SPOCK3: variants seen among roughly 807,000 people sequenced by gnomAD.
The protein encoded by SPOCK3 is testican-3.
A neutral mutation model predicts 56.6 loss-of-function variants in SPOCK3; 30 were observed. That is an observed-to-expected ratio of 0.53 (90% confidence interval 0.40 to 0.72). The LOEUF (loss-of-function observed/expected upper bound fraction) is 0.72. SPOCK3 is among the 30% of genes least tolerant of loss of function. SPOCK3 has a pLI of 0.00. For missense variants in SPOCK3, 527 were observed against 530.0 expected (o/e 0.99, Z 0.06); for synonymous variants, 196 against 183.3 (o/e 1.07, Z -0.56).
rs1439696016 is a variant in SPOCK3, at chr4:167,116,907, G to GTATATATATATATA, written c.190-54371_190-54370insTATATATATATATA. 2.8e-5 allele frequency among the ~76,000 whole-genome samples: 3 copies of GTATATATATATATA among 108,572 alleles called. No homozygotes were observed. In the South Asian group the frequency reaches 8.9e-4, roughly 32 times the overall value. The allele number at this position is 108,572 out of a possible 152,430, so 71.2% of individuals were successfully genotyped here. ...TATATACATATATACTTTTGTGTGT[G>GTATATATATATATA]TGTGTGTATATATATATATATATAT... On this transcript the variant is annotated intron_variant, in intron 2 of 10. Coordinates refer to ENST00000357545, the MANE Select transcript of SPOCK3 (RefSeq NM_001040159.2).
chr4:166,980,306 G>C (rs990907099), intron 4 of SPOCK3, among the ~76,000 whole-genome samples: 30 of 152,180 alleles, frequency 2.0e-4, no homozygotes, highest in African/African-American at 7.2e-4. Flanking sequence ...AATCATTGTT[G>C]AATAAATGAA....
chr4:167,009,084 A>T (rs562357324), intron 3 of SPOCK3, among the ~76,000 whole-genome samples: 39 of 152,308 alleles, frequency 2.6e-4, no homozygotes, highest in Non-Finnish European at 4.7e-4. Flanking sequence ...GCTTCATATC[A>T]TATTTACATG....
At chr4:166,998,693 CA>C (rs1232150297) in intron 4 of SPOCK3, among the ~76,000 whole-genome samples, 2 of 152,042 alleles carry the variant, frequency 1.3e-5, no homozygotes, top group Non-Finnish European at 2.9e-5. Flanking sequence ...GGTGAAGTGG[CA>C]GGTGAATCTT....
intron 2 of SPOCK3, among the ~76,000 whole-genome samples, chr4:167,086,118 AT>A (rs1758173620): frequency 6.6e-6 from 1 of 152,096 alleles, no homozygotes; most frequent in Admixed American, 6.6e-5. Context: ...AGCTTTTTAA[AT>A]GTCATAAAAA....
chr4:166,802,976 C>T (rs1183094226), intron 6 of SPOCK3, among the ~76,000 whole-genome samples: 5 of 152,072 alleles, frequency 3.3e-5, no homozygotes, highest in South Asian at 2.1e-4. Flanking sequence ...GTAGAGTCTG[C>T]GGTAGTGGTG....
At chr4:166,971,165 G>C (rs963020000) in intron 4 of SPOCK3, among the ~76,000 whole-genome samples, 2 of 152,188 alleles carry the variant, frequency 1.3e-5, no homozygotes, top group Non-Finnish European at 2.9e-5. Context: ...GTGACACAGA[G>C]AAAGGTAAAA....
At chr4:166,996,594 C>T (rs1748408173) in intron 4 of SPOCK3, among the ~76,000 whole-genome samples, 3 of 152,110 alleles carry the variant, frequency 2.0e-5, no homozygotes, top group Admixed American at 1.3e-4. Context: ...GCTAAAGTTC[C>T]TTCTCATTAT....
intron 4 of SPOCK3, among the ~76,000 whole-genome samples, chr4:166,992,099 T>G (rs370358135): frequency 6.6e-6 from 1 of 152,148 alleles, no homozygotes; most frequent in South Asian, 2.1e-4. Flanking sequence ...GTTCAAAACA[T>G]GTTATGTTAA....
chr4:167,050,905 GGA>G (rs775985938), intron 3 of SPOCK3, among the ~76,000 whole-genome samples: 8 of 152,060 alleles, frequency 5.3e-5, no homozygotes, highest in Non-Finnish European at 1.2e-4. Flanking sequence ...AAGAGAGAAA[GGA>G]GAGTTATTGT....
chr4:167,083,345 TTC>T, intron 2 of SPOCK3: 1 of 763,006 alleles, frequency 1.3e-6, no homozygotes, highest in Non-Finnish European at 2.4e-6. Flanking sequence ...ACCATGTGCA[TTC>T]TCTCTTGCTG....
At chr4:166,744,832 T>A (rs1214845249) in intron 8 of SPOCK3, among the ~76,000 whole-genome samples, 1 of 152,110 alleles carries the variant, frequency 6.6e-6, no homozygotes, top group Non-Finnish European at 1.5e-5. Context: ...GAGAACTACG[T>A]GATGCGTGCA....
intron 6 of SPOCK3, among the ~76,000 whole-genome samples, chr4:166,810,812 G>C (rs996916925): frequency 1.3e-5 from 2 of 151,598 alleles, no homozygotes; most frequent in African/African-American, 2.4e-5. Context: ...AAATAAACTG[G>C]AGTGTGCCAC....
chr4:166,820,541 C>T lies in SPOCK3; in HGVS notation c.590-28252G>A, dbSNP rs140950289. On this transcript the variant is annotated intron_variant, in intron 6 of 10. Transcript: ENST00000357545. ...TCTCATACCAAACATTAACTTAAAG[C>T]GAGTGTATCCCCAACTTTAAGAGTT... 2.5e-3 allele frequency among the ~76,000 whole-genome samples: 374 copies of T among 151,754 alleles called. 3 individuals carry two copies. The highest frequency in any genetic ancestry group is 4.1e-3 in the Non-Finnish European group (277 of 67,890).
At chr4:166,895,745 T>C (rs1735309013) in intron 5 of SPOCK3, among the ~76,000 whole-genome samples, 1 of 152,206 alleles carries the variant, frequency 6.6e-6, no homozygotes, top group East Asian at 1.9e-4. Context: ...ACATGTGAAA[T>C]GATCAATGGT....
chr4:166,848,773 A>G (rs534618539), intron 6 of SPOCK3, among the ~76,000 whole-genome samples: 1 of 152,320 alleles, frequency 6.6e-6, no homozygotes, highest in African/African-American at 2.4e-5. Flanking sequence ...GGGCATGTGC[A>G]TAGTTCCTGG....
At chr4:166,956,738 ACCCAACG>A (rs1394081636) in intron 4 of SPOCK3, among the ~76,000 whole-genome samples, 1 of 151,954 alleles carries the variant, frequency 6.6e-6, no homozygotes, top group East Asian at 1.9e-4. Context: ...TCCCTCTCAT[ACCCAACG>A]CCCTCAATTC....
intron 3 of SPOCK3, among the ~76,000 whole-genome samples, chr4:167,058,614 T>G (rs529356446): frequency 9.3e-4 from 141 of 152,284 alleles, no homozygotes; most frequent in African/African-American, 3.2e-3. Flanking sequence ...CCCATCAAGC[T>G]ACCAATGACT....
intron 2 of SPOCK3, among the ~76,000 whole-genome samples, chr4:167,138,421 A>T (rs1763284220): frequency 6.6e-6 from 1 of 151,804 alleles, no homozygotes; most frequent in Admixed American, 6.6e-5. Context: ...ATTGTCATTG[A>T]GAGAGACATA....
At chr4:166,896,800 T>C (rs962662249) in intron 5 of SPOCK3, among the ~76,000 whole-genome samples, 3 of 152,216 alleles carry the variant, frequency 2.0e-5, no homozygotes, top group African/African-American at 7.2e-5. Context: ...TCTTACATTC[T>C]TGCTGCCTTC....
Sources: allele counts gnomAD v4.1 joint callset (sites outside exome capture counted in the v4.1 genomes callset), GRCh38; gene constraint gnomAD v4.1.1; transcripts MANE v1.5; gene names NCBI Gene and HGNC (gene_info 2026-07-23, HGNC 2026-07-21).